Variants in ACAD9 observed in about 807,000 individuals in gnomAD.
ACAD9 encodes acyl-CoA dehydrogenase family member 9.
Under a neutral mutation model 70.2 loss-of-function variants are expected in ACAD9, and 53 were observed. The ratio of observed to expected loss-of-function variants is 0.75; its 90% CI spans 0.61 to 0.95. The LOEUF is 0.95. ACAD9 is among the 40% of genes least tolerant of loss of function. The pLI, the probability that ACAD9 is intolerant of heterozygous loss-of-function variation, is 0.00. For missense variants in ACAD9, 777 were observed against 802.8 expected, an observed-to-expected ratio of 0.97 and a Z score of 0.39; for synonymous variants, 313 against 312.1, an observed-to-expected ratio of 1.00 and a Z score of -0.03.
rs185193338 is a variant in ACAD9 at position 128,909,768 on chromosome 3, G to A, written c.1564-253G>A. On this transcript the variant is annotated intron_variant, in intron 15 of 17. Transcript: ENST00000308982. ...AGGTGGCAGTAGCACAGTAAGCACTGGCTTCTGGTCTCAGCCAAGCTTCTG... is the reference window on the plus strand; with the variant it reads ...AGGTGGCAGTAGCACAGTAAGCACTAGCTTCTGGTCTCAGCCAAGCTTCTG... 53 of 615,390 alleles carry A rather than the reference G, an allele frequency of 8.6e-5. No homozygotes were observed. The East Asian group carries it at 1.4e-3, about 17-fold the overall frequency. The allele number at this position is 615,390 out of a possible 1,614,324, so 38.1% of individuals were successfully genotyped here. A position where few individuals can be genotyped will look rare whatever the true frequency, so the allele number is the denominator to read the frequency against.
chr3:128,909,266 G>T, intron 14 of ACAD9, 78 bp from the exon 15 acceptor site: 1 of 1,601,864 alleles, frequency 6.2e-7, no homozygotes, highest in Non-Finnish European at 8.6e-7. Context: ...GGGCATCTCT[G>T]CCTGGTACCC....
chr3:128,909,040 G>A lies in ACAD9; in HGVS notation c.1426G>A (p.Gly476Ser), dbSNP rs766404623. ...TVGRRLRDSL[G>S]RTVDLGLTGN... is the part of the protein sequence containing the mutation. ...TGGCCGGAGGCTTCGGGACTCCCTG[G>A]GCCGAACTGTGGACCTGGGGCTGAC... Residue 476 changes from glycine to serine, a missense_variant, in exon 14 of 18, where the codon GGC becomes AGC. Gly to Ser is a moderately conservative substitution (Grantham distance 56). Transcript: ENST00000308982. The A allele has an allele frequency of 2.5e-6, 4 of 1,614,032 alleles. No individual in the cohort carries two copies. The highest frequency in any genetic ancestry group is 1.1e-5 in the South Asian group (1 of 91,092).
rs1227768838 is a variant in ACAD9 at position 128,902,658 on chromosome 3, G to T, written c.958+30G>T. ...GTAAGTTAGGGACAAGGCCCTTTGT[G>T]CCCCACCCCCTGCTGCCCCGGCTCC... On this transcript the variant is annotated intron_variant, in intron 9 of 17. Transcript: ENST00000308982. This position sits in a 1 kb window ranked among gnomAD's most constrained non-coding sequence, Gnocchi z 4.0. 1.2e-6 allele frequency: 2 copies of T among 1,611,620 alleles called. No homozygotes were observed. Among genetic ancestry groups the T allele is most frequent in the African/African-American group, 1.3e-5 (1 of 74,864 alleles).
chr3:128,910,066 C>G lies in ACAD9; in HGVS notation c.1609C>G (p.Leu537Val). The G allele has an allele frequency of 6.2e-7, 1 of 1,614,034 alleles. No homozygotes were observed. The highest frequency in any genetic ancestry group is 1.1e-5 in the South Asian group (1 of 91,004). ...GGTACTGAAGCGGGTGGCCAACATCCTCATCAACCTGTATGGCATGACGGC... is the reference window on the plus strand; with the variant it reads ...GGTACTGAAGCGGGTGGCCAACATCGTCATCAACCTGTATGGCATGACGGC... ...QLVLKRVANILINLYGMTAVL... is the reference protein window; with the variant it reads ...QLVLKRVANIVINLYGMTAVL... The change falls in exon 16 of 18, where the codon CTC becomes GTC. Residue 537 changes from leucine to valine, a missense_variant. Leu to Val is a conservative substitution (Grantham distance 32, BLOSUM62 1). Coordinates refer to ENST00000308982, the MANE Select transcript of ACAD9 (RefSeq NM_014049.5).
At position 128,884,712 on chromosome 3, in the gene ACAD9, C is replaced by G. The variant is rs758120770; in HGVS notation, c.210C>G (p.Phe70Leu). 2 of 1,613,578 alleles carry G rather than the reference C, an allele frequency of 1.2e-6. No individual in the cohort carries two copies. Among genetic ancestry groups the G allele is most frequent in the Admixed American group, 1.7e-5 (1 of 60,022 alleles). ...ATGAACTTAATGAAATCAATCAGTT[C>G]TTGGGACCCGTGGAAAAATTCTTCA... ...SQDELNEINQ[F>L]LGPVEKFFTE... The change falls in exon 2 of 18, where the codon TTC becomes TTG. Residue 70 changes from phenylalanine (F) to leucine (L), a missense_variant. Phe to Leu is a conservative substitution (Grantham distance 22). Coordinates refer to ENST00000308982, the MANE Select transcript of ACAD9 (RefSeq NM_014049.5).
chr3:128,910,413 G>A (rs1559833620), intron 16 of ACAD9: 9 of 1,362,212 alleles, frequency 6.6e-6, no homozygotes, highest in Non-Finnish European at 8.8e-6. Context: ...CCTGCACATT[G>A]CCCGCTGTGC....
rs1227746247 is a variant in ACAD9 at position 128,904,409 on chromosome 3, G to T, written c.1053G>T (p.Gln351His). ...AGGAGAAATTTGCACTGATGGCTCA[G>T]AAGGCTTACGTCATGGAGAGTATGA... The part of the protein sequence containing the change: ...LIQEKFALMA[Q>H]KAYVMESMTY... Residue 351 changes from glutamine (Q) to histidine (H), a missense_variant, in exon 11 of 18, where the codon CAG becomes CAT. Gln to His is a conservative substitution (Grantham distance 24). Transcript: ENST00000308982. 1 of 1,614,254 alleles carries T rather than the reference G, an allele frequency of 6.2e-7. No individual in the cohort carries two copies. Among genetic ancestry groups the T allele is most frequent in the East Asian group, 2.2e-5 (1 of 44,892 alleles).
chr3:128,910,716 T>C, intron 16 of ACAD9, 25 bp from the exon 17 acceptor site: 6 of 1,613,988 alleles, frequency 3.7e-6, no homozygotes, highest in Non-Finnish European at 3.4e-6. Flanking sequence ...TTTGGGCATA[T>C]CTTTTCTGTC....
intron 4 of ACAD9, 35 bp downstream of exon 4, chr3:128,895,451 G>A: frequency 1.9e-6 from 3 of 1,559,792 alleles, no homozygotes; most frequent in Non-Finnish European, 2.6e-6. Context: ...GGTGCTCTCT[G>A]TAGGTCTTCT....
Position 128,909,407 on chromosome 3 carries a change from C to G in ACAD9, c.1549C>G (p.Leu517Val). The G allele has an allele frequency of 6.2e-7, 1 of 1,614,160 alleles. No individual in the cohort carries two copies. The highest frequency in any genetic ancestry group is 1.7e-5 in the Admixed American group (1 of 60,038). ...CFGRTVETLL[L>V]RFGKTIMEEQ... ...CGGCCGGACCGTGGAGACACTGCTG[C>G]TCCGCTTTGGCAAGGTAACCAGGCC... Residue 517 changes from leucine to valine, a missense_variant, in exon 15 of 18, where the codon CTC becomes GTC. Transcript: ENST00000308982.
chr3:128,880,372 T>C (rs1236594541), intron 1 of ACAD9, among the ~76,000 whole-genome samples: 1 of 152,138 alleles, frequency 6.6e-6, no homozygotes, highest in East Asian at 1.9e-4. Flanking sequence ...CTTCTTAGAG[T>C]TGGAAGACTT....
At chr3:128,903,445 A>C (rs1935800165) in intron 9 of ACAD9, among the ~76,000 whole-genome samples, 1 of 152,100 alleles carries the variant, frequency 6.6e-6, no homozygotes, top group Non-Finnish European at 1.5e-5. Context: ...TGGGGCTCTG[A>C]GTGGGGCTCG....
chr3:128,888,382 C>G (rs2107644566), intron 2 of ACAD9, among the ~76,000 whole-genome samples: 1 of 152,172 alleles, frequency 6.6e-6, no homozygotes, highest in East Asian at 1.9e-4. Context: ...AGTTTGAGAC[C>G]AGCCTGGCCA....
At chr3:128,899,599 C>G in intron 7 of ACAD9, 138 bp downstream of exon 7, 6 of 1,014,194 alleles carry the variant, frequency 5.9e-6, no homozygotes, top group Non-Finnish European at 8.3e-6. Flanking sequence ...GTCCAAATAG[C>G]AAGATAAAAT....
intron 5 of ACAD9, 90 bp from the exon 6 acceptor site, chr3:128,897,542 C>T (rs887635421): frequency 8.2e-7 from 1 of 1,222,518 alleles, no homozygotes; most frequent in Admixed American, 2.0e-5. Flanking sequence ...TGACCTCTTA[C>T]AAGTACTAAA....
chr3:128,894,364 A>G (rs1473052255), intron 3 of ACAD9, among the ~76,000 whole-genome samples: 2 of 152,220 alleles, frequency 1.3e-5, no homozygotes, highest in Non-Finnish European at 2.9e-5. Context: ...TTGCATTTAT[A>G]AAGACCTACA....
At chr3:128,889,312 C>G (rs538507160) in intron 2 of ACAD9, among the ~76,000 whole-genome samples, 2 of 152,258 alleles carry the variant, frequency 1.3e-5, no homozygotes, top group South Asian at 4.1e-4. Flanking sequence ...CCACGCCCGG[C>G]CTACTGTACA....
At position 128,893,639 on chromosome 3, in the gene ACAD9, A is replaced by G. The variant is rs1257105963; in HGVS notation, c.329A>G (p.Gln110Arg). 2 of 1,614,024 alleles carry G rather than the reference A, an allele frequency of 1.2e-6. No homozygotes were observed. ...AAGAGCCTAGGGCTTTTTGGGCTGC[A>G]AGTCCCAGAAGAATATGGTAAGTCA... ...KLKSLGLFGL[Q>R]VPEEYGGLGF... The change falls in exon 3 of 18, where the codon CAA (glutamine) becomes CGA (arginine). Residue 110 changes from glutamine (Q) to arginine (R), a missense_variant. By Grantham distance (43) the Gln-to-Arg change is conservative. Transcript: ENST00000308982.
intron 11 of ACAD9, 145 bp downstream of exon 11, chr3:128,904,650 C>T: frequency 7.3e-7 from 1 of 1,374,422 alleles, no homozygotes; most frequent in South Asian, 1.3e-5. Context: ...CTGTGTAGCA[C>T]TCCAGGGATA....
Sources: gnomAD v4.1 joint callset for allele counts (sites outside exome capture counted in the v4.1 genomes callset) on GRCh38, gnomAD v4.1.1 for gene constraint, Gnocchi (gnomAD v3.1) non-coding constraint, MANE v1.5 for transcripts, NCBI Gene and HGNC (gene_info 2026-07-23, HGNC 2026-07-21) for gene names.